Variants in EPHA7 observed in about 807,000 individuals in gnomAD.
EPHA7 encodes ephrin type-A receptor 7.
A neutral mutation model predicts 112.6 loss-of-function variants in EPHA7; 25 were observed. The ratio of observed to expected loss-of-function variants is 0.22; its 90% CI spans 0.16 to 0.31. EPHA7 has a LOEUF of 0.31. EPHA7 is among the 10% of genes least tolerant of loss of function. EPHA7 has a pLI of 1.00. For missense variants in EPHA7, 962 were observed against 1,212.6 expected (o/e 0.79, Z 3.07); for synonymous variants, 437 against 406.5 (o/e 1.07, Z -0.90).
intron 5 of EPHA7, among the ~76,000 whole-genome samples, chr6:93,274,744 ATC>A (rs753625008): frequency 6.6e-6 from 1 of 151,782 alleles, no homozygotes; most frequent in African/African-American, 2.4e-5. Flanking sequence ...GATAGGAAAA[ATC>A]TCTCTCTGTC....
intron 6 of EPHA7, among the ~76,000 whole-genome samples, chr6:93,272,048 A>C (rs1389183360): frequency 6.6e-6 from 1 of 151,878 alleles, no homozygotes; most frequent in Non-Finnish European, 1.5e-5. Flanking sequence ...AAATTGAATA[A>C]ATAAATAAAT....
intron 3 of EPHA7, among the ~76,000 whole-genome samples, chr6:93,360,061 T>C (rs563241666): frequency 1.3e-5 from 2 of 152,256 alleles, no homozygotes; most frequent in Non-Finnish European, 2.9e-5. Flanking sequence ...TACAAAAACA[T>C]TAAGCAAAGA....
At chr6:93,359,096 C>T (rs747973176) in intron 3 of EPHA7, among the ~76,000 whole-genome samples, 10 of 152,044 alleles carry the variant, frequency 6.6e-5, no homozygotes, top group Non-Finnish European at 1.2e-4. Context: ...AAGCCATCAA[C>T]GGCAAGTAGA....
chr6:93,353,218 G>T (rs933714947), intron 5 of EPHA7, among the ~76,000 whole-genome samples: 1 of 151,894 alleles, frequency 6.6e-6, no homozygotes, highest in Non-Finnish European at 1.5e-5. Flanking sequence ...TCCGTTGTAC[G>T]TAACTTGATC....
chr6:93,266,622 T>A (rs1435079201), intron 7 of EPHA7, among the ~76,000 whole-genome samples: 1 of 151,716 alleles, frequency 6.6e-6, no homozygotes, highest in Non-Finnish European at 1.5e-5. Flanking sequence ...TTTTAGGATG[T>A]ATGTGCAATG....
chr6:93,275,596 G>T (rs1015760752), intron 5 of EPHA7, among the ~76,000 whole-genome samples: 7 of 73,000 alleles, frequency 9.6e-5, no homozygotes, highest in Non-Finnish European at 1.8e-4. Context: ...CTTCACAAAT[G>T]ACAATGACAA....
chr6:93,288,445 G>A (rs1259172116), intron 5 of EPHA7, among the ~76,000 whole-genome samples: 1 of 152,114 alleles, frequency 6.6e-6, no homozygotes. Flanking sequence ...GATCTTATGG[G>A]GTTATGGAAA....
intron 5 of EPHA7, among the ~76,000 whole-genome samples, chr6:93,274,115 G>A (rs1324859039): frequency 6.6e-6 from 1 of 151,918 alleles, no homozygotes; most frequent in Non-Finnish European, 1.5e-5. Context: ...TGTGCCATTT[G>A]AAAATAAGTT....
intron 6 of EPHA7, among the ~76,000 whole-genome samples, chr6:93,271,914 C>T (rs1043918703): frequency 2.0e-5 from 3 of 151,690 alleles, no homozygotes; most frequent in Non-Finnish European, 4.4e-5. Flanking sequence ...ACTGAAACCA[C>T]ATAAATTAAA....
chr6:93,290,276 A>C (rs920160476), intron 5 of EPHA7, among the ~76,000 whole-genome samples: 1 of 152,150 alleles, frequency 6.6e-6, no homozygotes, highest in African/African-American at 2.4e-5. Flanking sequence ...ATTCCATAAT[A>C]TGATAACTAC....
At chr6:93,360,138 G>T (rs181467125) in intron 3 of EPHA7, among the ~76,000 whole-genome samples, 1 of 152,170 alleles carries the variant, frequency 6.6e-6, no homozygotes, top group Admixed American at 6.5e-5. Flanking sequence ...AGAGAACAAT[G>T]ATATTGATTA....
chr6:93,416,198 T>C (rs1239785445), intron 1 of EPHA7, among the ~76,000 whole-genome samples: 1 of 152,202 alleles, frequency 6.6e-6, no homozygotes, highest in African/African-American at 2.4e-5. Flanking sequence ...CATCGATAAA[T>C]CGTTGGACTA....
intron 14 of EPHA7, among the ~76,000 whole-genome samples, chr6:93,247,787 T>C (rs543404366): frequency 6.6e-6 from 1 of 152,174 alleles, no homozygotes; most frequent in Non-Finnish European, 1.5e-5. Flanking sequence ...CTAATAGGCA[T>C]ATCTAATATT....
intron 1 of EPHA7, among the ~76,000 whole-genome samples, chr6:93,417,143 C>G (rs1004699027): frequency 1.4e-4 from 22 of 152,160 alleles, no homozygotes; most frequent in African/African-American, 5.3e-4. Flanking sequence ...GACTCTGACA[C>G]GCGCTCCCTG....
At chr6:93,278,274 G>C (rs1449808373) in intron 5 of EPHA7, among the ~76,000 whole-genome samples, 1 of 151,978 alleles carries the variant, frequency 6.6e-6, no homozygotes, top group African/African-American at 2.4e-5. Context: ...CTCTGCTAAA[G>C]TACTGACTAA....
chr6:93,389,801 C>T (rs1184229471), intron 3 of EPHA7, among the ~76,000 whole-genome samples: 1 of 151,772 alleles, frequency 6.6e-6, no homozygotes, highest in Non-Finnish European at 1.5e-5. Flanking sequence ...CACTATTCAA[C>T]AATAACAACA....
chr6:93,358,459 T>C, intron 3 of EPHA7, 48 bp from the exon 4 acceptor site: 1 of 1,488,958 alleles, frequency 6.7e-7, no homozygotes. Context: ...AGCAAATCGA[T>C]CTTTAAAAAA....
At chr6:93,415,402 C>A (rs959195697) in intron 1 of EPHA7, among the ~76,000 whole-genome samples, 1 of 151,776 alleles carries the variant, frequency 6.6e-6, no homozygotes, top group African/African-American at 2.4e-5. Context: ...TCTTAATTTT[C>A]AAAGTGATAG....
intron 3 of EPHA7, among the ~76,000 whole-genome samples, chr6:93,372,812 A>C (rs1038236584): frequency 6.6e-6 from 1 of 152,124 alleles, no homozygotes; most frequent in South Asian, 2.1e-4. Context: ...AATATGGTTA[A>C]ACATTCCACT....
Sources: allele counts gnomAD v4.1 joint callset (sites outside exome capture counted in the v4.1 genomes callset), GRCh38; gene constraint gnomAD v4.1.1; transcripts MANE v1.5; gene names NCBI Gene and HGNC (gene_info 2026-07-23, HGNC 2026-07-21).